The following TMEM68 variants were observed in gnomAD, a reference collection of about 807,000 sequenced individuals.
TMEM68 encodes the protein DGAT1/2-independent enzyme synthesizing storage lipids.
Under a neutral mutation model 36.9 loss-of-function variants are expected in TMEM68, and 25 were observed. That is an observed-to-expected ratio of 0.68 (90% CI 0.49 to 0.95). The LOEUF is 0.95. Among genes scored for constraint, TMEM68 ranks in the 40% least tolerant of loss-of-function variants. The probability of loss-of-function intolerance (pLI) is 0.00; values close to 1 mark genes in which losing one functional copy is unlikely to be tolerated. For synonymous variants in TMEM68, 131 were observed against 124.4 expected, an observed-to-expected ratio of 1.05 and a Z score of -0.35; for missense variants, 333 against 392.0, an observed-to-expected ratio of 0.85 and a Z score of 1.27.
intron 1 of TMEM68, among the ~76,000 whole-genome samples, chr8:55,767,028 C>A (rs184429307): frequency 6.6e-5 from 10 of 150,516 alleles, no homozygotes; most frequent in African/African-American, 2.2e-4. Flanking sequence ...AAATATCTTT[C>A]TGCCTCAGTT....
intron 7 of TMEM68, among the ~76,000 whole-genome samples, chr8:55,740,679 C>T (rs1331361290): frequency 2.0e-5 from 3 of 152,074 alleles, no homozygotes; most frequent in Non-Finnish European, 4.4e-5. Context: ...AAGACTTAGT[C>T]CTTTCCAGCT....
intron 1 of TMEM68, among the ~76,000 whole-genome samples, chr8:55,769,773 C>T (rs1811095667): frequency 6.6e-6 from 1 of 152,114 alleles, no homozygotes; most frequent in African/African-American, 2.4e-5. Context: ...GCTGGGACTA[C>T]AGGCAAGCAC....
At chr8:55,745,393 C>T (rs1810241205) in intron 5 of TMEM68, 1 of 211,582 alleles carries the variant, frequency 4.7e-6, no homozygotes, top group South Asian at 1.9e-4. Context: ...CTTTTGAGGG[C>T]CTGTTTGATA....
At chr8:55,742,615 C>T (rs571715129) in intron 7 of TMEM68, among the ~76,000 whole-genome samples, 1 of 152,112 alleles carries the variant, frequency 6.6e-6, no homozygotes, top group Non-Finnish European at 1.5e-5. Flanking sequence ...TCATAGTTCA[C>T]TGTAACCTTG....
chr8:55,759,744 T>C (rs6474019), intron 3 of TMEM68, among the ~76,000 whole-genome samples: 118,593 of 152,106 alleles, frequency 0.78, 46,926 homozygotes, highest in East Asian at 0.9. Flanking sequence ...CATTTTTATG[T>C]ATTTAAACAA....
chr8:55,754,944 TACACACACACACACACAC>T (rs71256561), intron 4 of TMEM68, among the ~76,000 whole-genome samples: 5 of 134,900 alleles, frequency 3.7e-5, no homozygotes, highest in Non-Finnish European at 3.1e-5. Flanking sequence ...TATATATTTA[TACACACACACACACACAC>T]ACACACACAC....
At chr8:55,748,680 C>A (rs1810352339) in intron 5 of TMEM68, among the ~76,000 whole-genome samples, 1 of 147,428 alleles carries the variant, frequency 6.8e-6, no homozygotes, top group South Asian at 2.2e-4. Context: ...GATCTCGGCT[C>A]ACTGCAACCT....
intron 1 of TMEM68, among the ~76,000 whole-genome samples, chr8:55,771,527 G>A (rs777851510): frequency 1.6e-4 from 24 of 152,112 alleles, no homozygotes; most frequent in Non-Finnish European, 2.8e-4. Context: ...TGAGGTAGGA[G>A]GATTGCTTGA....
At chr8:55,740,330 T>C (rs1217076841) in intron 7 of TMEM68, 112 bp from the exon 8 acceptor site, 1 of 728,148 alleles carries the variant, frequency 1.4e-6, no homozygotes, top group South Asian at 2.1e-5. Flanking sequence ...CTGAAGCTTA[T>C]ATATTTCTCT....
chr8:55,750,658 G>C (rs559793612), intron 5 of TMEM68, among the ~76,000 whole-genome samples: 78 of 149,808 alleles, frequency 5.2e-4, no homozygotes, highest in Middle Eastern at 3.4e-3. Flanking sequence ...TCCTCCCTCA[G>C]CCTCCCGAGT....
chr8:55,746,559 A>C (rs1351009209), intron 5 of TMEM68: 2 of 152,178 alleles, frequency 1.3e-5, no homozygotes, highest in African/African-American at 4.8e-5. Flanking sequence ...ATACTGAATT[A>C]AATGATGTTT....
intron 2 of TMEM68, chr8:55,763,546 C>A (rs1224712589): frequency 1.3e-5 from 2 of 152,132 alleles, no homozygotes; most frequent in South Asian, 4.2e-4. Context: ...TGCCACCATG[C>A]CTGGCTAATT....
intron 4 of TMEM68, chr8:55,751,592 T>C (rs1210469270): frequency 2.6e-6 from 1 of 388,126 alleles, no homozygotes; most frequent in African/African-American, 2.2e-5. Flanking sequence ...CAAACTACGC[T>C]TAGCTCTTCC....
At chr8:55,747,709 T>C (rs1259254689) in intron 5 of TMEM68, 2 of 152,144 alleles carry the variant, frequency 1.3e-5, no homozygotes, top group Non-Finnish European at 2.9e-5. Context: ...ATTCAGACTG[T>C]TATCTGGAAA....
chr8:55,740,326 C>G lies in TMEM68; in HGVS notation c.889-108G>C, dbSNP rs538030014. ...GATTTCCTTCTCAGTACACCTGAAG[C>G]TTATATATTTCTCTTTTTTATAGAG... is the stretch of plus-strand genomic sequence containing the variant. On this transcript the variant is annotated intron_variant, in intron 7 of 7. Coordinates refer to ENST00000434581, the MANE Select transcript of TMEM68 (RefSeq NM_001286657.2). 2.8e-5 allele frequency: 21 copies of G among 749,056 alleles called. 1 individual carries two copies. The South Asian group carries it at 4.3e-4, about 15-fold the overall frequency. The allele number at this position is 749,056 out of a possible 1,614,324, so 46.4% of individuals were successfully genotyped here. A position where few individuals can be genotyped will look rare whatever the true frequency, so the allele number is the denominator to read the frequency against.
At position 55,748,967 on chromosome 8, in the gene TMEM68, T is replaced by C. The variant is rs1306153752; in HGVS notation, c.687+1997A>G. 6.6e-5 allele frequency among the ~76,000 whole-genome samples: 10 copies of C among 152,232 alleles called. No individual in the cohort carries two copies. In the South Asian group the frequency reaches 1.2e-3, roughly 19 times the overall value. On this transcript the variant is annotated intron_variant, in intron 5 of 7. Transcript: ENST00000434581. ...GTCACTAAAAATGTGGGAGACATTG[T>C]GAAAGTTACTTACCATGTTTAAGCC...
intron 1 of TMEM68, among the ~76,000 whole-genome samples, chr8:55,769,281 C>G (rs1811076702): frequency 8.1e-6 from 1 of 123,810 alleles, no homozygotes; most frequent in South Asian, 2.7e-4. Context: ...GAGATTCTGA[C>G]AGTGCACTCC....
At chr8:55,754,456 TATATATATATACAC>T (rs1326939490) in intron 4 of TMEM68, among the ~76,000 whole-genome samples, 21 of 110,564 alleles carry the variant, frequency 1.9e-4, no homozygotes, top group African/African-American at 8.0e-4. Flanking sequence ...TATATATATA[TATATATATATACAC>T]ACACACACAC....
At chr8:55,771,462 AC>A (rs1469617910) in intron 1 of TMEM68, among the ~76,000 whole-genome samples, 4 of 151,446 alleles carry the variant, frequency 2.6e-5, no homozygotes, top group African/African-American at 9.7e-5. Context: ...ACACACACAC[AC>A]ACAAAATTAG....
Sources: gnomAD v4.1 joint callset for allele counts (sites outside exome capture counted in the v4.1 genomes callset) on GRCh38, gnomAD v4.1.1 for gene constraint, MANE v1.5 for transcripts, NCBI Gene and HGNC (gene_info 2026-07-23, HGNC 2026-07-21) for gene names.